PIK3CA: variants seen among roughly 807,000 people sequenced by gnomAD.
The protein encoded by PIK3CA is phosphatidylinositol 4,5-bisphosphate 3-kinase catalytic subunit alpha isoform.
A neutral mutation model predicts 138.2 loss-of-function variants in PIK3CA; 27 were observed. That is an observed-to-expected ratio of 0.20 (90% CI 0.14 to 0.27). The LOEUF is 0.27. Among genes scored for constraint, PIK3CA ranks in the 10% least tolerant of loss-of-function variants. The pLI is 1.00. For synonymous variants in PIK3CA, 358 were observed against 413.2 expected (o/e 0.87, Z 1.62); for missense variants, 544 against 1,277.4 (o/e 0.43, Z 8.75).
At position 179,209,615 on chromosome 3, in the gene PIK3CA, A is replaced by G. The variant is rs1724656072; in HGVS notation, c.1166A>G (p.Tyr389Cys). 1.2e-6 allele frequency: 2 copies of G among 1,606,726 alleles called. No individual in the cohort carries two copies. Among genetic ancestry groups the G allele is most frequent in the African/African-American group, 1.3e-5 (1 of 74,752 alleles). ...SNPRWNEWLN[Y>C]DIYIPDLPRA... Reference sequence around the variant, plus strand: ...CATAGGTGGAATGAATGGCTGAATTATGATATATACATTCCTGATCTTCCT... The same window carrying G: ...CATAGGTGGAATGAATGGCTGAATTGTGATATATACATTCCTGATCTTCCT... Residue 389 changes from tyrosine to cysteine, a missense_variant, in exon 7 of 21, where the codon TAT becomes TGT. Physicochemically the swap from Tyr to Cys is radical, Grantham distance 194. Around this residue, in one of 14 missense-constraint regions of PIK3CA, gnomAD observed 234 missense variants for 401.3 expected, o/e 0.58. Transcript: ENST00000263967.
intron 14 of PIK3CA, among the ~76,000 whole-genome samples, chr3:179,223,440 A>G (rs966632728): frequency 5.9e-5 from 9 of 152,190 alleles, no homozygotes; most frequent in African/African-American, 2.2e-4. Flanking sequence ...TAAAACCTGA[A>G]TATAGTATGA....
chr3:179,209,094 A>G (rs1309413140), intron 6 of PIK3CA, among the ~76,000 whole-genome samples: 1 of 150,422 alleles, frequency 6.6e-6, no homozygotes, highest in Non-Finnish European at 1.5e-5. Context: ...CACATGCATA[A>G]AAGTATACAA....
rs115042445 is a variant in PIK3CA, at chr3:179,203,240, G to A, written c.814-304G>A. 0.042 allele frequency among the ~76,000 whole-genome samples: 6,315 copies of A among 151,980 alleles called. 143 individuals are homozygous for A. The highest frequency in any genetic ancestry group is 0.047 in the Non-Finnish European group (3,168 of 67,876). On this transcript the variant is annotated intron_variant, in intron 4 of 20. Transcript: ENST00000263967. ...CAGGCGTGAGCCACCACGCCCGGCCGTGATCCTTGTTTTTAATTCCTTTTT... is the reference window on the plus strand; with the variant it reads ...CAGGCGTGAGCCACCACGCCCGGCCATGATCCTTGTTTTTAATTCCTTTTT...
At chr3:179,194,021 T>C (rs1357281197) in intron 1 of PIK3CA, among the ~76,000 whole-genome samples, 1 of 152,166 alleles carries the variant, frequency 6.6e-6, no homozygotes, top group East Asian at 1.9e-4. Flanking sequence ...AAAGGCCCTT[T>C]TATTTAAAAT....
chr3:179,155,071 T>G (rs1420845420), intron 1 of PIK3CA, among the ~76,000 whole-genome samples: 2 of 152,182 alleles, frequency 1.3e-5, no homozygotes, highest in East Asian at 3.8e-4. Flanking sequence ...AAAAAAACTG[T>G]ATAGGGATAG....
At position 179,239,934 on chromosome 3, in the gene PIK3CA, T is replaced by C. The variant is rs1385383768; in HGVS notation, c.*5570T>C. The C allele has an allele frequency of 2.0e-6, 2 of 1,007,882 alleles. No homozygotes were observed. Among genetic ancestry groups the C allele is most frequent in the African/African-American group, 3.3e-5 (2 of 60,638 alleles). The allele number at this position is 1,007,882 out of a possible 1,614,324, so 62.4% of individuals were successfully genotyped here. On this transcript the variant is annotated 3_prime_UTR_variant, in exon 21 of 21. Coordinates refer to ENST00000263967, the MANE Select transcript of PIK3CA (RefSeq NM_006218.4). The stretch of plus-strand genomic sequence containing the variant: ...GAATATAGAATAATAACAGTATCAC[T>C]AAATTTAAGACCTCTTCCCAGTCTT...
intron 1 of PIK3CA, among the ~76,000 whole-genome samples, chr3:179,166,024 G>C (rs1723410361): frequency 6.6e-6 from 1 of 151,792 alleles, no homozygotes; most frequent in African/African-American, 2.4e-5. Context: ...TTCCTCACTA[G>C]ACCATGAACC....
rs183014297 is a variant in PIK3CA, at chr3:179,221,880, G to A, written c.2187+723G>A. On this transcript the variant is annotated intron_variant, in intron 14 of 20. Coordinates refer to ENST00000263967, the MANE Select transcript of PIK3CA (RefSeq NM_006218.4). The stretch of plus-strand genomic sequence containing the variant: ...ATGCCACCACTTCCAGCTAATTTTT[G>A]TATTTTTAGTAGAGACAGTGTTTCG... Among the ~76,000 whole-genome samples, 667 of 151,612 alleles carry A rather than the reference G, an allele frequency of 4.4e-3. 3 individuals are homozygous for A. Among genetic ancestry groups the A allele is most frequent in the Non-Finnish European group, 7.6e-3 (518 of 67,860 alleles).
intron 1 of PIK3CA, among the ~76,000 whole-genome samples, chr3:179,162,199 A>ATG (rs1163266554): frequency 6.6e-6 from 1 of 152,186 alleles, no homozygotes; most frequent in Non-Finnish European, 1.5e-5. Flanking sequence ...GTGTGAATTT[A>ATG]TGTGTATATA....
At chr3:179,192,627 A>C (rs1387033370) in intron 1 of PIK3CA, among the ~76,000 whole-genome samples, 1 of 152,250 alleles carries the variant, frequency 6.6e-6, no homozygotes, top group Non-Finnish European at 1.5e-5. Flanking sequence ...GATGCCAGAT[A>C]GTAATATTTT....
chr3:179,175,878 C>T (rs921481605), intron 1 of PIK3CA, among the ~76,000 whole-genome samples: 3 of 152,120 alleles, frequency 2.0e-5, no homozygotes, highest in African/African-American at 7.2e-5. Flanking sequence ...GGAGACATTC[C>T]TCAAATGCAT....
At chr3:179,167,110 T>G (rs1723440251) in intron 1 of PIK3CA, among the ~76,000 whole-genome samples, 1 of 152,146 alleles carries the variant, frequency 6.6e-6, no homozygotes, top group East Asian at 1.9e-4. Context: ...AAAGAGTTCT[T>G]CAGTGCCTCA....
chr3:179,162,314 C>T (rs1361727822), intron 1 of PIK3CA, among the ~76,000 whole-genome samples: 1 of 152,016 alleles, frequency 6.6e-6, no homozygotes, highest in East Asian at 1.9e-4. Flanking sequence ...AAATTATCTA[C>T]AAGTAGATAA....
chr3:179,151,104 A>G (rs1233617521), intron 1 of PIK3CA, among the ~76,000 whole-genome samples: 1 of 152,262 alleles, frequency 6.6e-6, no homozygotes, highest in African/African-American at 2.4e-5. Flanking sequence ...AATCTTAAAA[A>G]TTATTCAGCT....
chr3:179,151,700 A>G lies in PIK3CA; in HGVS notation c.-77+3097A>G, dbSNP rs866540293. Among the ~76,000 whole-genome samples, 2 of 151,932 alleles carry G rather than the reference A, an allele frequency of 1.3e-5. 1 individual carries two copies. Among genetic ancestry groups the G allele is most frequent in the Middle Eastern group, 6.8e-3 (2 of 294 alleles). On this transcript the variant is annotated intron_variant, in intron 1 of 20. Coordinates refer to ENST00000263967, the MANE Select transcript of PIK3CA (RefSeq NM_006218.4). ...TTCTCTAGGTTTATTTCTCCTCCCTACTCCTGCAGCTCCCTTGGTCTTTTC... is the reference window on the plus strand; with the variant it reads ...TTCTCTAGGTTTATTTCTCCTCCCTGCTCCTGCAGCTCCCTTGGTCTTTTC...
chr3:179,164,318 G>A (rs1723360297), intron 1 of PIK3CA, among the ~76,000 whole-genome samples: 1 of 152,034 alleles, frequency 6.6e-6, no homozygotes, highest in South Asian at 2.1e-4. Flanking sequence ...ACAATCCCAG[G>A]CCCATAATAG....
chr3:179,201,607 G>GTT (rs1724411304), intron 4 of PIK3CA, 67 bp downstream of exon 4: 2 of 793,658 alleles, frequency 2.5e-6, no homozygotes, highest in Non-Finnish European at 3.6e-6. Flanking sequence ...ATGAGTATCT[G>GTT]TATTTTTTTT....
chr3:179,234,535 C>A lies in PIK3CA; in HGVS notation c.*171C>A. 2.1e-6 allele frequency: 1 copy of A among 471,372 alleles called. No individual in the cohort carries two copies. Among genetic ancestry groups the A allele is most frequent in the Non-Finnish European group, 3.6e-6 (1 of 278,006 alleles). The allele number at this position is 471,372 out of a possible 1,614,324, so 29.2% of individuals were successfully genotyped here. A position where few individuals can be genotyped will look rare whatever the true frequency, so the allele number is the denominator to read the frequency against. On this transcript the variant is annotated 3_prime_UTR_variant, in exon 21 of 21. Coordinates refer to ENST00000263967, the MANE Select transcript of PIK3CA (RefSeq NM_006218.4). The surrounding 1 kb of genome is among the most constrained non-coding windows in gnomAD (Gnocchi z 5.1). Reference sequence around the variant, plus strand: ...ATAATTTAAATAATGTAAACGCAAACAGGGTTTGATAGCACTTAAACTAGT... The same window carrying A: ...ATAATTTAAATAATGTAAACGCAAAAAGGGTTTGATAGCACTTAAACTAGT...
At chr3:179,170,523 A>G (rs900803484) in intron 1 of PIK3CA, among the ~76,000 whole-genome samples, 1 of 152,228 alleles carries the variant, frequency 6.6e-6, no homozygotes, top group African/African-American at 2.4e-5. Context: ...CCTATAAATT[A>G]TATTCCCCTT....
Sources: gnomAD v4.1 joint callset for allele counts (sites outside exome capture counted in the v4.1 genomes callset) on GRCh38, gnomAD v4.1.1 for gene constraint, gnomAD v4.1.1 regional missense constraint, Gnocchi (gnomAD v3.1) non-coding constraint, MANE v1.5 for transcripts, NCBI Gene and HGNC (gene_info 2026-07-23, HGNC 2026-07-21) for gene names.